MOB1B: variants seen among roughly 807,000 people sequenced by gnomAD.
MOB1B encodes the protein MOB1 Mps One Binder homolog B.
In MOB1B, 19 loss-of-function variants were observed where a neutral mutation model predicts 24.4. That is an observed-to-expected ratio of 0.78 (90% CI 0.54 to 1.14). The LOEUF (loss-of-function observed/expected upper bound fraction) is 1.14, where lower values mean the gene tolerates loss of function less well. MOB1B is among the 50% of genes most tolerant of loss of function. The pLI is 0.00. For missense variants in MOB1B, 243 were observed against 259.6 expected (o/e 0.94, Z 0.44); for synonymous variants, 76 against 82.1 (o/e 0.93, Z 0.40).
At chr4:70,923,101 G>T (rs114446720) in intron 1 of MOB1B, among the ~76,000 whole-genome samples, 15 of 152,280 alleles carry the variant, frequency 9.9e-5, no homozygotes, top group African/African-American at 3.4e-4. Context: ...CCCCTGCTTA[G>T]AACCGCAGCA....
At chr4:70,939,317 T>A (rs1737231792) in intron 1 of MOB1B, among the ~76,000 whole-genome samples, 3 of 152,210 alleles carry the variant, frequency 2.0e-5, no homozygotes, top group Admixed American at 2.0e-4. Flanking sequence ...ATAAAAAGAA[T>A]GAAAGAGAAA....
intron 1 of MOB1B, among the ~76,000 whole-genome samples, chr4:70,928,191 G>A (rs1255875463): frequency 1.3e-5 from 2 of 152,088 alleles, no homozygotes; most frequent in East Asian, 3.9e-4. Context: ...TCTCTTTGAA[G>A]ATGGGGCATT....
chr4:70,979,416 TAC>T, intron 5 of MOB1B, 125 bp downstream of exon 5: 1 of 669,900 alleles, frequency 1.5e-6, no homozygotes. Flanking sequence ...CATCCTCTTC[TAC>T]AGTTTTCCAT....
At chr4:70,957,083 G>A (rs1738089553) in intron 1 of MOB1B, among the ~76,000 whole-genome samples, 1 of 149,032 alleles carries the variant, frequency 6.7e-6, no homozygotes, top group East Asian at 2.0e-4. Flanking sequence ...TTTGGAAAGT[G>A]TAACCATTGT....
chr4:70,926,122 A>G (rs548234315), intron 1 of MOB1B, among the ~76,000 whole-genome samples: 1 of 151,910 alleles, frequency 6.6e-6, no homozygotes, highest in Non-Finnish European at 1.5e-5. Context: ...AGTAGCCGGG[A>G]CTTTAGGTGT....
At chr4:70,948,072 TATC>T (rs1737658478) in intron 1 of MOB1B, among the ~76,000 whole-genome samples, 1 of 152,232 alleles carries the variant, frequency 6.6e-6, no homozygotes, top group Admixed American at 6.5e-5. Context: ...GTTTTAGGTC[TATC>T]ATCTAATTCA....
At position 70,985,223 on chromosome 4, in the gene MOB1B, C is replaced by T. The variant is rs1019123859; in HGVS notation, c.*3166C>T. The T allele has an allele frequency of 6.6e-6, 1 of 152,174 alleles. No homozygotes were observed. 9.4% of individuals were successfully genotyped at this position (152,174 alleles called of 1,614,324 possible). On this transcript the variant is annotated 3_prime_UTR_variant, in exon 6 of 6. Coordinates refer to ENST00000309395, the MANE Select transcript of MOB1B (RefSeq NM_173468.4). Reference sequence around the variant, plus strand: ...TACTTTTGTTTACCCCTCTCTGAGACAGGTTTTGATAACCACTGAAATGGT... The same window carrying T: ...TACTTTTGTTTACCCCTCTCTGAGATAGGTTTTGATAACCACTGAAATGGT...
chr4:70,954,511 A>G (rs1207570140), intron 1 of MOB1B, among the ~76,000 whole-genome samples: 1 of 151,986 alleles, frequency 6.6e-6, no homozygotes, highest in East Asian at 1.9e-4. Flanking sequence ...GCTGGAGTGC[A>G]GTGGCGCAAT....
chr4:70,925,077 T>C (rs1022503103), intron 1 of MOB1B, among the ~76,000 whole-genome samples: 2 of 152,204 alleles, frequency 1.3e-5, no homozygotes, highest in Admixed American at 1.3e-4. Context: ...GGAGTCTTGC[T>C]CTGTAACTCA....
chr4:70,961,084 A>T (rs1052418306), intron 2 of MOB1B, among the ~76,000 whole-genome samples: 6 of 152,188 alleles, frequency 3.9e-5, no homozygotes, highest in African/African-American at 1.2e-4. Context: ...CTACGTACCT[A>T]TGATAAAGCT....
chr4:70,911,404 C>T (rs1294023847), intron 1 of MOB1B, among the ~76,000 whole-genome samples: 1 of 150,850 alleles, frequency 6.6e-6, no homozygotes, highest in East Asian at 1.9e-4. Context: ...ACATATATGT[C>T]ATATATTATA....
chr4:70,904,655 A>C (rs1327458995), intron 1 of MOB1B, among the ~76,000 whole-genome samples: 1 of 150,862 alleles, frequency 6.6e-6, no homozygotes, highest in Non-Finnish European at 1.5e-5. Context: ...GCTACTTGGG[A>C]GGCTGAGACG....
chr4:70,902,823 T>G (rs1240575036), intron 1 of MOB1B, among the ~76,000 whole-genome samples: 3 of 152,200 alleles, frequency 2.0e-5, no homozygotes, highest in Non-Finnish European at 4.4e-5. Context: ...CCTGGATTCC[T>G]TCATCACCCC....
chr4:70,902,410 G>T lies in MOB1B; in HGVS notation c.-127G>T. On this transcript the variant is annotated 5_prime_UTR_variant, in exon 1 of 6. Transcript: ENST00000309395. ...CCGAACTAGTTGCGGCCACCGAGCA[G>T]CCGGCTCTCGGCACCTCCTCCTCCG... is the stretch of plus-strand genomic sequence containing the variant. The T allele has an allele frequency of 9.7e-7, 1 of 1,029,234 alleles. No individual in the cohort carries two copies. Among genetic ancestry groups the T allele is most frequent in the Non-Finnish European group, 1.5e-6 (1 of 674,602 alleles). The allele number at this position is 1,029,234 out of a possible 1,614,324, so 63.8% of individuals were successfully genotyped here. A position where few individuals can be genotyped will look rare whatever the true frequency, so the allele number is the denominator to read the frequency against.
At chr4:70,973,873 CT>C (rs2148901771) in intron 3 of MOB1B, among the ~76,000 whole-genome samples, 1 of 152,234 alleles carries the variant, frequency 6.6e-6, no homozygotes, top group South Asian at 2.1e-4. Context: ...AGAAAGCATC[CT>C]CATTTATCCT....
At chr4:70,978,409 G>A (rs966804935) in intron 4 of MOB1B, among the ~76,000 whole-genome samples, 5 of 152,118 alleles carry the variant, frequency 3.3e-5, no homozygotes, top group Admixed American at 6.5e-5. Flanking sequence ...ATGCCTTTAC[G>A]ACTGGGTTAT....
chr4:70,936,247 G>C (rs1051394594), intron 1 of MOB1B, among the ~76,000 whole-genome samples: 2 of 152,120 alleles, frequency 1.3e-5, no homozygotes, highest in African/African-American at 4.8e-5. Context: ...GCCCACCTCA[G>C]CCTCCCAAAG....
chr4:70,902,460 CCTTTCCTCTT>C lies in MOB1B; in HGVS notation c.-69_-60del. On this transcript the variant is annotated 5_prime_UTR_variant, in exon 1 of 6. Transcript: ENST00000309395. ...GCCTCCCTGTCTCCTGTTCCATTCG[CCTTTCCTCTT>C]CTTTCCTGGCCCACGCCGCTCCGAG... 1.3e-6 allele frequency: 2 copies of C among 1,491,446 alleles called. No homozygotes were observed. Among genetic ancestry groups the C allele is most frequent in the Non-Finnish European group, 1.8e-6 (2 of 1,092,902 alleles). 92.4% of individuals were successfully genotyped at this position (1,491,446 alleles called of 1,614,324 possible). A position where few individuals can be genotyped will look rare whatever the true frequency, so the allele number is the denominator to read the frequency against.
At position 70,982,001 on chromosome 4, in the gene MOB1B, A is replaced by C. The variant is rs773434094; in HGVS notation, c.595A>C (p.Arg199=). The C allele has an allele frequency of 6.2e-7, 1 of 1,611,312 alleles. No homozygotes were observed. The highest frequency in any genetic ancestry group is 1.3e-5 in the African/African-American group (1 of 74,870). ...FVQEFNLIDR[R]ELAPLQELIE... The stretch of plus-strand genomic sequence containing the variant: ...ATAGGAATTCAACCTTATTGATAGA[A>C]GAGAACTTGCACCACTCCAAGAACT... Residue 199 remains arginine (R), a synonymous_variant, in exon 6 of 6, where the codon AGA becomes CGA. Coordinates refer to ENST00000309395, the MANE Select transcript of MOB1B (RefSeq NM_173468.4).
Sources: gnomAD v4.1 joint callset for allele counts (sites outside exome capture counted in the v4.1 genomes callset) on GRCh38, gnomAD v4.1.1 for gene constraint, MANE v1.5 for transcripts, NCBI Gene and HGNC (gene_info 2026-07-23, HGNC 2026-07-21) for gene names.